TNS2: variants seen among roughly 807,000 people sequenced by gnomAD.
The protein encoded by TNS2 is tensin 2, also known as tensin-2.
Under a neutral mutation model 155.7 loss-of-function variants are expected in TNS2, and 77 were observed. That is an observed-to-expected ratio of 0.49 (90% CI 0.41 to 0.60). The LOEUF (loss-of-function observed/expected upper bound fraction) is 0.60, where lower values mean the gene tolerates loss of function less well. Ranked by LOEUF, TNS2 falls within the 20% of genes least tolerant of loss-of-function variation. TNS2 has a pLI of 0.00. For missense variants in TNS2, 1,703 were observed against 1,868.8 expected (o/e 0.91, Z 1.64); for synonymous variants, 726 against 763.9 (o/e 0.95, Z 0.82).
intron 3 of TNS2, 43 bp from the exon 4 acceptor site, chr12:53,053,368 G>T (rs1231067756): frequency 6.2e-7 from 1 of 1,613,174 alleles, no homozygotes; most frequent in Non-Finnish European, 8.5e-7. Flanking sequence ...GCCCACGAGA[G>T]CCCTTCACCA....
At chr12:53,051,095 C>T (rs1943914482) in intron 1 of TNS2, among the ~76,000 whole-genome samples, 1 of 152,212 alleles carries the variant, frequency 6.6e-6, no homozygotes, top group South Asian at 2.1e-4. Flanking sequence ...TGCCTCACTG[C>T]ATCTCTGGGT....
At chr12:53,051,252 T>C (rs1943919833) in intron 1 of TNS2, among the ~76,000 whole-genome samples, 1 of 152,068 alleles carries the variant, frequency 6.6e-6, no homozygotes, top group Non-Finnish European at 1.5e-5. Context: ...TCTATCTGTT[T>C]CCCTCCAGCA....
In TNS2 at chr12:53,062,441, A is replaced by T; in HGVS notation, c.3733A>T (p.Ile1245Phe). ...CATCTCCCTGCCCTGCTGCCTGCGC[A>T]TTCCCAGCAAAGGTGAGTGTCTGGT... ...SPISLPCCLR[I>F]PSKDPLEETP... The change falls in exon 24 of 29, where the codon ATT becomes TTT. Residue 1245 changes from isoleucine to phenylalanine, a missense_variant. Ile to Phe is a conservative substitution (Grantham distance 21). Transcript: ENST00000314250. 6.2e-7 allele frequency: 1 copy of T among 1,613,728 alleles called. No homozygotes were observed. Among genetic ancestry groups the T allele is most frequent in the Non-Finnish European group, 8.5e-7 (1 of 1,179,892 alleles).
chr12:53,054,264 C>T lies in TNS2; in HGVS notation c.351-6C>T. On this transcript the variant is annotated splice_polypyrimidine_tract_variant and splice_region_variant and intron_variant, in intron 6 of 28. Coordinates refer to ENST00000314250, the MANE Select transcript of TNS2 (RefSeq NM_170754.4). ...CTGCGTTCATGCGTAGGCTCCTCCT[C>T]CCCAGGAGCTTCAGCCTGGACCCGC... is the stretch of plus-strand genomic sequence containing the variant. 1 of 1,612,526 alleles carries T rather than the reference C, an allele frequency of 6.2e-7. No individual in the cohort carries two copies. Among genetic ancestry groups the T allele is most frequent in the Non-Finnish European group, 8.5e-7 (1 of 1,179,772 alleles).
intron 10 of TNS2, 22 bp from the exon 11 acceptor site, chr12:53,056,991 A>T: frequency 1.9e-6 from 3 of 1,610,032 alleles, no homozygotes; most frequent in Non-Finnish European, 2.5e-6. Context: ...CTAATCCCCA[A>T]CACTGGCCTT....
chr12:53,056,867 T>C, intron 10 of TNS2, 146 bp from the exon 11 acceptor site: 2 of 717,488 alleles, frequency 2.8e-6, no homozygotes, highest in Non-Finnish European at 4.7e-6. Context: ...TGACTGTACA[T>C]GGTGCTTCTC....
At position 53,061,502 on chromosome 12, in the gene TNS2, T is replaced by G. The variant is rs779422121; in HGVS notation, c.3448+33T>G. Reference sequence around the variant, plus strand: ...GCCAGCCTGCCCCCACCCCACTGCATCCCACCTTCCAGGGTGTCTGTCTTG... The same window carrying G: ...GCCAGCCTGCCCCCACCCCACTGCAGCCCACCTTCCAGGGTGTCTGTCTTG... On this transcript the variant is annotated intron_variant, in intron 21 of 28. Transcript: ENST00000314250. 3.1e-6 allele frequency: 5 copies of G among 1,607,064 alleles called. No individual in the cohort carries two copies. The East Asian group carries it at 1.1e-4, about 36-fold the overall frequency.
At chr12:53,054,596 G>A (rs530621851) in intron 7 of TNS2, among the ~76,000 whole-genome samples, 155 bp downstream of exon 7, 1 of 152,226 alleles carries the variant, frequency 6.6e-6, no homozygotes, top group South Asian at 2.1e-4. Context: ...GGCCTGGAGC[G>A]GAGCGGAGAA....
chr12:53,062,220 G>T lies in TNS2; in HGVS notation c.3642G>T (p.Lys1214Asn). 3 of 1,614,118 alleles carry T rather than the reference G, an allele frequency of 1.9e-6. No homozygotes were observed. Among genetic ancestry groups the T allele is most frequent in the Non-Finnish European group, 2.5e-6 (3 of 1,180,002 alleles). ...IETGPKGVKI[K>N]GCPSEPYFGS... is the part of the protein sequence containing the mutation. ...CTGGGCCCAAAGGGGTGAAGATCAA[G>T]GGCTGCCCCAGTGAGCCCTACTTTG... Residue 1214 changes from lysine to asparagine, a missense_variant, in exon 23 of 29, where the codon AAG (lysine) becomes AAT (asparagine). Coordinates refer to ENST00000314250, the MANE Select transcript of TNS2 (RefSeq NM_170754.4).
In TNS2 at chr12:53,054,031, G is replaced by A. The variant is rs1164401853; in HGVS notation, c.350+17G>A. On this transcript the variant is annotated intron_variant, in intron 6 of 28. Transcript: ENST00000314250. The stretch of plus-strand genomic sequence containing the variant: ...TCTGCCCAGGTAAGTGAGGGTGCTG[G>A]GGTGGTCCCACGTGACCCCCTTTCC... The A allele has an allele frequency of 6.2e-7, 1 of 1,614,040 alleles. No individual in the cohort carries two copies. The highest frequency in any genetic ancestry group is 1.7e-5 in the Admixed American group (1 of 60,030).
At chr12:53,062,043 T>C in intron 22 of TNS2, 103 bp downstream of exon 22, 1 of 1,611,248 alleles carries the variant, frequency 6.2e-7, no homozygotes, top group Non-Finnish European at 8.5e-7. Flanking sequence ...CATGCCGCTG[T>C]AGAGGGGAGA....
rs1425115875 is a variant in TNS2, at chr12:53,063,763, A to G, written c.4111A>G (p.Lys1371Glu). Residue 1371 changes from lysine to glutamate, a missense_variant, in exon 29 of 29, where the codon AAG (lysine) becomes GAG (glutamate). Physicochemically the swap from Lys to Glu is moderately conservative, Grantham distance 56. Coordinates refer to ENST00000314250, the MANE Select transcript of TNS2 (RefSeq NM_170754.4). This position sits in a 1 kb window ranked among gnomAD's most constrained non-coding sequence, Gnocchi z 5.6. ...CCCTAGGATCTTTGGTTTCGTGGCC[A>G]AGAAGCCGGGAAGCCCCTGGGAGAA... is the stretch of plus-strand genomic sequence containing the variant. ...TTSKIFGFVA[K>E]KPGSPWENVC... The G allele has an allele frequency of 6.2e-7, 1 of 1,613,930 alleles. No homozygotes were observed. Among genetic ancestry groups the G allele is most frequent in the Non-Finnish European group, 8.5e-7 (1 of 1,180,018 alleles).
intron 8 of TNS2, 118 bp downstream of exon 8, chr12:53,055,354 C>CA: frequency 8.0e-7 from 1 of 1,250,074 alleles, no homozygotes; most frequent in Non-Finnish European, 1.1e-6. Context: ...AGCACTTTCC[C>CA]ACTCTCCCAT....
Position 53,055,594 on chromosome 12 carries a change from G to A in TNS2, c.600G>A (p.Leu200=). The A allele has an allele frequency of 2.5e-6, 4 of 1,610,826 alleles. No homozygotes were observed. Among genetic ancestry groups the A allele is most frequent in the Non-Finnish European group, 2.5e-6 (3 of 1,177,462 alleles). ...PKVQDFGWPE[L]HAPPLDKLCS... The stretch of plus-strand genomic sequence containing the variant: ...TTCAAGACTTCGGCTGGCCTGAGCT[G>A]CATGCTCCACCCCTGGACAAGCTGT... The change falls in exon 9 of 29, where the codon CTG becomes CTA. Residue 200 remains leucine, a synonymous_variant. Transcript: ENST00000314250.
In TNS2 at chr12:53,050,078, T is replaced by A. The variant is rs1261267135; in HGVS notation, c.-108T>A. ...CTCACACCAGCCAGACAGCCTACCC[T>A]CCGCCCAGGGGAAGCGGCTGCCTCC... is the stretch of plus-strand genomic sequence containing the variant. On this transcript the variant is annotated 5_prime_UTR_variant, in exon 1 of 29. Coordinates refer to ENST00000314250, the MANE Select transcript of TNS2 (RefSeq NM_170754.4). This position sits in a 1 kb window ranked among gnomAD's most constrained non-coding sequence, Gnocchi z 4.7. The A allele has an allele frequency of 1.0e-5, 16 of 1,533,796 alleles. No homozygotes were observed. The highest frequency in any genetic ancestry group is 1.4e-5 in the Non-Finnish European group (16 of 1,143,316).
chr12:53,049,583 G>A (rs957954762), upstream of TNS2, among the ~76,000 whole-genome samples: 1 of 152,272 alleles, frequency 6.6e-6, no homozygotes, highest in Admixed American at 6.5e-5. Context: ...GAGTGAAACT[G>A]AGACAGGAAG....
At chr12:53,062,314 G>T in intron 23 of TNS2, 62 bp from the exon 24 acceptor site, 1 of 1,612,852 alleles carries the variant, frequency 6.2e-7, no homozygotes, top group Non-Finnish European at 8.5e-7. Context: ...ATCTCAGGAG[G>T]ATGGAAGGGA....
intron 1 of TNS2, 24 bp from the exon 2 acceptor site, chr12:53,051,831 C>G: frequency 1.3e-6 from 2 of 1,595,786 alleles, no homozygotes; most frequent in South Asian, 1.1e-5. Context: ...GAACTCACAC[C>G]TCTGTTTGTC....
Position 53,053,439 on chromosome 12 carries a change from C to T in TNS2, c.251C>T (p.Pro84Leu), listed in dbSNP as rs1483324276. The T allele has an allele frequency of 7.4e-6, 12 of 1,614,030 alleles. No individual in the cohort carries two copies. The highest frequency in any genetic ancestry group is 9.3e-6 in the Non-Finnish European group (11 of 1,179,978). The change falls in exon 4 of 29, where the codon CCC (proline) becomes CTC (leucine). Residue 84 changes from proline (P) to leucine (L), a missense_variant. Pro to Leu is a moderately conservative substitution (Grantham distance 98, BLOSUM62 -3). Coordinates refer to ENST00000314250, the MANE Select transcript of TNS2 (RefSeq NM_170754.4). ...ACTTCAGCCTGTCAGGCCTTGCCTCCCGTGGAGTTGGTGAGTGCGCTCTGG... is the reference window on the plus strand; with the variant it reads ...ACTTCAGCCTGTCAGGCCTTGCCTCTCGTGGAGTTGGTGAGTGCGCTCTGG... ...KVTSACQALP[P>L]VELRRNTAPV...
Sources: gnomAD v4.1 joint callset for allele counts (sites outside exome capture counted in the v4.1 genomes callset) on GRCh38, gnomAD v4.1.1 for gene constraint, Gnocchi (gnomAD v3.1) non-coding constraint, MANE v1.5 for transcripts, NCBI Gene and HGNC (gene_info 2026-07-23, HGNC 2026-07-21) for gene names.